The following NDST4 variants were observed in gnomAD, a reference collection of about 807,000 sequenced individuals.
NDST4 encodes N-heparan sulfate sulfotransferase 4.
NDST4 carries 63 observed loss-of-function variants against 100.8 expected under a neutral mutation model. That is an observed-to-expected ratio of 0.62 (90% CI 0.51 to 0.77). NDST4 has a LOEUF of 0.77. Ranked by LOEUF, NDST4 falls within the 30% of genes least tolerant of loss-of-function variation. The pLI, the probability that NDST4 is intolerant of heterozygous loss-of-function variation, is 0.00. For missense variants in NDST4, 943 were observed against 1,018.4 expected (o/e 0.93, Z 1.01); for synonymous variants, 377 against 361.8 (o/e 1.04, Z -0.48).
chr4:114,842,678 G>C (rs573855790), intron 10 of NDST4: 19 of 220,058 alleles, frequency 8.6e-5, no homozygotes, highest in Non-Finnish European at 1.5e-4. Flanking sequence ...GCACGCACCT[G>C]TAGTCCCAGC....
At position 115,007,931 on chromosome 4, in the gene NDST4, T is replaced by C. The variant is rs576167371; in HGVS notation, c.979-30657A>G. On this transcript the variant is annotated intron_variant, in intron 2 of 13. Coordinates refer to ENST00000264363, the MANE Select transcript of NDST4 (RefSeq NM_022569.3). Reference sequence around the variant, plus strand: ...CTCTGTTCCTGAGTTGTCCTTGGAATTCAAGTGGTTCCAAAGATGCTAGAA... The same window carrying C: ...CTCTGTTCCTGAGTTGTCCTTGGAACTCAAGTGGTTCCAAAGATGCTAGAA... Among the ~76,000 whole-genome samples, 2 of 129,744 alleles carry C rather than the reference T, an allele frequency of 1.5e-5. 1 individual carries two copies. Among genetic ancestry groups the C allele is most frequent in the African/African-American group, 5.8e-5 (2 of 34,396 alleles). 85.1% of individuals were successfully genotyped at this position (129,744 alleles called of 152,430 possible).
rs186052554 is a variant in NDST4 at position 115,061,970 on chromosome 4, C to A, written c.978+14089G>T. On this transcript the variant is annotated intron_variant, in intron 2 of 13. Transcript: ENST00000264363. ...TTTTAGGAAGACATGGAAAGAATAC[C>A]AGAATAAAATAAAAATTATAGAAGG... 2.7e-4 allele frequency among the ~76,000 whole-genome samples: 41 copies of A among 151,646 alleles called. No individual in the cohort carries two copies. The East Asian group carries it at 5.6e-3, about 21-fold the overall frequency.
At chr4:115,053,006 C>A (rs1449564593) in intron 2 of NDST4, among the ~76,000 whole-genome samples, 1 of 152,028 alleles carries the variant, frequency 6.6e-6, no homozygotes, top group Non-Finnish European at 1.5e-5. Context: ...TTTATTTATT[C>A]CTCGAACAAA....
At chr4:115,097,031 T>C (rs527937553) in intron 1 of NDST4, among the ~76,000 whole-genome samples, 1 of 152,198 alleles carries the variant, frequency 6.6e-6, no homozygotes, top group South Asian at 2.1e-4. Context: ...TTCTAGGAAA[T>C]CGTATATTTC....
At chr4:115,035,219 CTT>C (rs1179893946) in intron 2 of NDST4, among the ~76,000 whole-genome samples, 1 of 151,768 alleles carries the variant, frequency 6.6e-6, no homozygotes, top group African/African-American at 2.4e-5. Flanking sequence ...CATCAAAAGA[CTT>C]ATGCATTTCC....
intron 1 of NDST4, among the ~76,000 whole-genome samples, chr4:115,079,073 C>T (rs549631978): frequency 6.6e-6 from 1 of 151,922 alleles, no homozygotes; most frequent in African/African-American, 2.4e-5. Flanking sequence ...TACATTACTA[C>T]AGGCACGGTG....
At chr4:115,092,180 C>T (rs1300661402) in intron 1 of NDST4, among the ~76,000 whole-genome samples, 1 of 152,130 alleles carries the variant, frequency 6.6e-6, no homozygotes, top group South Asian at 2.1e-4. Flanking sequence ...AGTGCCACTG[C>T]TATTGGTGCC....
chr4:114,834,269 T>A (rs1442696760), intron 11 of NDST4, among the ~76,000 whole-genome samples: 1 of 152,072 alleles, frequency 6.6e-6, no homozygotes, highest in East Asian at 1.9e-4. Context: ...ATCCCAGCAC[T>A]GTGTGAGGCT....
chr4:114,879,670 T>C (rs532704141), intron 6 of NDST4, among the ~76,000 whole-genome samples: 12 of 152,290 alleles, frequency 7.9e-5, no homozygotes, highest in Admixed American at 2.0e-4. Flanking sequence ...ATAATAGGTA[T>C]GCAAAAAATA....
intron 2 of NDST4, among the ~76,000 whole-genome samples, chr4:114,982,681 A>T (rs190762322): frequency 6.6e-6 from 1 of 152,310 alleles, no homozygotes; most frequent in East Asian, 1.9e-4. Context: ...CTGGGGAGGA[A>T]TTCAAGCCCA....
At chr4:115,068,196 A>G (rs543451304) in intron 2 of NDST4, among the ~76,000 whole-genome samples, 1 of 152,116 alleles carries the variant, frequency 6.6e-6, no homozygotes, top group South Asian at 2.1e-4. Context: ...TGTACAATAT[A>G]TTACTTTTTC....
chr4:115,054,881 G>T (rs960381808), intron 2 of NDST4, among the ~76,000 whole-genome samples: 2 of 152,084 alleles, frequency 1.3e-5, no homozygotes, highest in African/African-American at 4.8e-5. Context: ...TGACATGGAA[G>T]GTTGCTTATT....
chr4:114,946,873 CTTAAAA>C (rs2126230384), intron 4 of NDST4, among the ~76,000 whole-genome samples: 1 of 152,060 alleles, frequency 6.6e-6, no homozygotes, highest in East Asian at 1.9e-4. Context: ...TTTTCACATG[CTTAAAA>C]TTAAAATCGT....
intron 2 of NDST4, among the ~76,000 whole-genome samples, chr4:115,013,570 C>T (rs1727607870): frequency 6.6e-6 from 1 of 151,722 alleles, no homozygotes; most frequent in South Asian, 2.1e-4. Context: ...TTCCAGGAGA[C>T]ACCAAATGTT....
At chr4:114,951,548 G>A (rs1457896869) in intron 4 of NDST4, among the ~76,000 whole-genome samples, 2 of 152,066 alleles carry the variant, frequency 1.3e-5, no homozygotes, top group Admixed American at 6.6e-5. Flanking sequence ...ACACTTATGT[G>A]CCAATTACTC....
chr4:115,041,797 C>A (rs1560577396), intron 2 of NDST4, among the ~76,000 whole-genome samples: 1 of 152,080 alleles, frequency 6.6e-6, no homozygotes, highest in Admixed American at 6.6e-5. Flanking sequence ...TAAGTTTTCT[C>A]AACATACATT....
chr4:114,964,513 T>C (rs1726337536), intron 4 of NDST4, among the ~76,000 whole-genome samples: 1 of 152,230 alleles, frequency 6.6e-6, no homozygotes, highest in South Asian at 2.1e-4. Context: ...GTAATTTACA[T>C]AGAAATTTGT....
intron 4 of NDST4, among the ~76,000 whole-genome samples, chr4:114,960,540 A>T (rs2126236044): frequency 6.6e-6 from 1 of 152,190 alleles, no homozygotes; most frequent in Admixed American, 6.5e-5. Flanking sequence ...CAGGAGGCAG[A>T]GGTTGCAGAA....
intron 2 of NDST4, among the ~76,000 whole-genome samples, chr4:114,998,866 G>A (rs1215184133): frequency 1.3e-5 from 2 of 151,948 alleles, no homozygotes; most frequent in South Asian, 4.1e-4. Context: ...CTTTTCAGAG[G>A]AGTTACCTCA....
Sources: gnomAD v4.1 joint callset for allele counts (sites outside exome capture counted in the v4.1 genomes callset) on GRCh38, gnomAD v4.1.1 for gene constraint, MANE v1.5 for transcripts, NCBI Gene and HGNC (gene_info 2026-07-23, HGNC 2026-07-21) for gene names.